Variants in CYSLTR2 observed in about 807,000 individuals in gnomAD.
CYSLTR2 encodes G-protein coupled receptor GPCR21.
For missense variants in CYSLTR2, 398 were observed against 411.9 expected (o/e 0.97, Z 0.29); for synonymous variants, 179 against 160.8 (o/e 1.11, Z -0.86).
chr13:48,693,109 T>C (rs1205086220), intron 2 of CYSLTR2, among the ~76,000 whole-genome samples: 1 of 151,602 alleles, frequency 6.6e-6, no homozygotes, highest in Non-Finnish European at 1.5e-5. Flanking sequence ...TTAATACAAT[T>C]TTATATATAT....
chr13:48,677,176 G>C (rs1203040110), intron 1 of CYSLTR2, among the ~76,000 whole-genome samples: 1 of 152,172 alleles, frequency 6.6e-6, no homozygotes. Context: ...AGTCTACAGA[G>C]TGACTGAAAA....
intron 1 of CYSLTR2, among the ~76,000 whole-genome samples, chr13:48,672,251 TA>T (rs1418963914): frequency 2.0e-5 from 3 of 152,184 alleles, no homozygotes; most frequent in Non-Finnish European, 4.4e-5. Context: ...ATTCATTTTT[TA>T]AAGGGTTTTT....
In CYSLTR2 at chr13:48,664,301, T is replaced by C. The variant is rs184327061; in HGVS notation, c.-266+10284T>C. 3.3e-5 allele frequency among the ~76,000 whole-genome samples: 5 copies of C among 152,166 alleles called. No homozygotes were observed. In the East Asian group the frequency reaches 7.7e-4, roughly 24 times the overall value. On this transcript the variant is annotated intron_variant, in intron 1 of 4. Coordinates refer to ENST00000682523, the MANE Select transcript of CYSLTR2 (RefSeq NM_001308476.3). ...GTAGTTTTTTTTGTTGTTGTTGTTATGTCCCTATTCAGTTTTGGTATCAGG... is the reference window on the plus strand; with the variant it reads ...GTAGTTTTTTTTGTTGTTGTTGTTACGTCCCTATTCAGTTTTGGTATCAGG...
chr13:48,655,265 T>A (rs1952972753), intron 1 of CYSLTR2, among the ~76,000 whole-genome samples: 1 of 152,186 alleles, frequency 6.6e-6, no homozygotes, highest in Admixed American at 6.5e-5. Flanking sequence ...CTTTTAAAAC[T>A]CTTCAAGATT....
At chr13:48,699,523 G>T (rs1452716798) in intron 4 of CYSLTR2, among the ~76,000 whole-genome samples, 1 of 152,202 alleles carries the variant, frequency 6.6e-6, no homozygotes, top group African/African-American at 2.4e-5. Flanking sequence ...AAAGCAGTGT[G>T]TAGAGGGAAA....
rs1159652577 is a variant in CYSLTR2, at chr13:48,707,838, A to G, written c.1021A>G (p.Arg341Gly). 1 of 1,527,008 alleles carries G rather than the reference A, an allele frequency of 6.5e-7. No homozygotes were observed. Among genetic ancestry groups the G allele is most frequent in the South Asian group, 1.3e-5 (1 of 75,752 alleles). 94.6% of individuals were successfully genotyped at this position (1,527,008 alleles called of 1,614,324 possible). Residue 341 changes from arginine to glycine, a missense_variant, in exon 5 of 5, where the codon AGA becomes GGA. Coordinates refer to ENST00000682523, the MANE Select transcript of CYSLTR2 (RefSeq NM_001308476.3). ...TGTTTTCCCTGTTAGTGTGTGGTTG[A>G]GAAAGGAAACAAGAGTATAAGGAGC... ...KCVFPVSVWL[R>G]KETRV
At position 48,702,113 on chromosome 13, in the gene CYSLTR2, G is replaced by A. The variant is rs1423556179; in HGVS notation, c.-1-4704G>A. The stretch of plus-strand genomic sequence containing the variant: ...AGGATGAGTTCATGTCCTTTGTAGG[G>A]ACATGAATGACCTGGAAACCATCAT... On this transcript the variant is annotated intron_variant, in intron 4 of 4. Coordinates refer to ENST00000682523, the MANE Select transcript of CYSLTR2 (RefSeq NM_001308476.3). Among the ~76,000 whole-genome samples, 4 of 152,028 alleles carry A rather than the reference G, an allele frequency of 2.6e-5. No homozygotes were observed. In the East Asian group the frequency reaches 5.8e-4, roughly 22 times the overall value.
At chr13:48,654,304 TGAG>T (rs1952949293) in intron 1 of CYSLTR2, among the ~76,000 whole-genome samples, 2 of 46,812 alleles carry the variant, frequency 4.3e-5, no homozygotes, top group African/African-American at 2.9e-4. Flanking sequence ...TGTGTGTGTG[TGAG>T]TGTGTGTGTG....
Position 48,707,016 on chromosome 13 carries a change from T to C in CYSLTR2, c.199T>C (p.Tyr67His), listed in dbSNP as rs193077727. 56 of 1,614,144 alleles carry C rather than the reference T, an allele frequency of 3.5e-5. No homozygotes were observed. The African/African-American group carries it at 6.9e-4, about 20-fold the overall frequency. ...GLSIYVFLQPYKKSTSVNVFM... is the reference protein window; with the variant it reads ...GLSIYVFLQPHKKSTSVNVFM... ...GTCCATATATGTTTTCCTGCAGCCT[T>C]ATAAGAAGTCCACATCTGTGAACGT... The change falls in exon 5 of 5, where the codon TAT (tyrosine) becomes CAT (histidine). Residue 67 changes from tyrosine (Y) to histidine (H), a missense_variant. Physicochemically the swap from Tyr to His is moderately conservative, Grantham distance 83. Coordinates refer to ENST00000682523, the MANE Select transcript of CYSLTR2 (RefSeq NM_001308476.3).
intron 1 of CYSLTR2, among the ~76,000 whole-genome samples, chr13:48,687,493 TA>T (rs1953925698): frequency 6.6e-6 from 1 of 152,176 alleles, no homozygotes; most frequent in Non-Finnish European, 1.5e-5. Flanking sequence ...ATCTATCAAT[TA>T]TCTATAATCT....
Position 48,707,913 on chromosome 13 carries a change from A to G in CYSLTR2, c.*55A>G. 7.3e-7 allele frequency: 1 copy of G among 1,374,602 alleles called. No individual in the cohort carries two copies. Among genetic ancestry groups the G allele is most frequent in the Non-Finnish European group, 9.8e-7 (1 of 1,022,714 alleles). 85.2% of individuals were successfully genotyped at this position (1,374,602 alleles called of 1,614,324 possible). ...TCCTTGTGTCCATCTTCATTCACTCATAGTCTCCAAATGACTTTGTATTTA... is the reference window on the plus strand; with the variant it reads ...TCCTTGTGTCCATCTTCATTCACTCGTAGTCTCCAAATGACTTTGTATTTA... On this transcript the variant is annotated 3_prime_UTR_variant, in exon 5 of 5. Coordinates refer to ENST00000682523, the MANE Select transcript of CYSLTR2 (RefSeq NM_001308476.3).
At chr13:48,675,007 A>C (rs1005498906) in intron 1 of CYSLTR2, among the ~76,000 whole-genome samples, 3 of 152,148 alleles carry the variant, frequency 2.0e-5, no homozygotes, top group Non-Finnish European at 2.9e-5. Flanking sequence ...GCTTTGTCCC[A>C]GAGGGACACC....
At chr13:48,705,998 TG>T (rs202112417) in intron 4 of CYSLTR2, among the ~76,000 whole-genome samples, 5,351 of 147,232 alleles carry the variant, frequency 0.036, 407 homozygotes, top group African/African-American at 0.12. Context: ...GTTTTGTTGT[TG>T]TTTTTTTTTT....
intron 1 of CYSLTR2, among the ~76,000 whole-genome samples, chr13:48,656,576 C>A (rs1371234482): frequency 6.6e-6 from 1 of 152,180 alleles, no homozygotes; most frequent in Admixed American, 6.5e-5. Flanking sequence ...TGCCTCCTAT[C>A]CACCTGGGAT....
chr13:48,676,903 G>C (rs1239196393), intron 1 of CYSLTR2, among the ~76,000 whole-genome samples: 1 of 152,202 alleles, frequency 6.6e-6, no homozygotes, highest in Non-Finnish European at 1.5e-5. Flanking sequence ...CAAACTATAA[G>C]ACGAAAATAT....
In CYSLTR2 at chr13:48,664,856, G is replaced by A. The variant is rs900130767; in HGVS notation, c.-266+10839G>A. 7.3e-5 allele frequency among the ~76,000 whole-genome samples: 11 copies of A among 150,922 alleles called. No individual in the cohort carries two copies. In the East Asian group the frequency reaches 2.1e-3, roughly 29 times the overall value. ...TTTATTACTTCTTCTACTAATTTTG[G>A]GCTTAGTTTGCTCTTGCTTTTCTAG... On this transcript the variant is annotated intron_variant, in intron 1 of 4. Transcript: ENST00000682523.
chr13:48,671,999 G>C (rs1255781399), intron 1 of CYSLTR2, among the ~76,000 whole-genome samples: 1 of 151,780 alleles, frequency 6.6e-6, no homozygotes, highest in African/African-American at 2.4e-5. Context: ...ACTTCTTCCT[G>C]GTTTAGTCTT....
At chr13:48,668,453 T>C (rs1953326487) in intron 1 of CYSLTR2, among the ~76,000 whole-genome samples, 1 of 152,110 alleles carries the variant, frequency 6.6e-6, no homozygotes. Context: ...AGGTCTTGGC[T>C]ACCTGGTCTT....
At chr13:48,698,147 T>C (rs1028049367) in intron 4 of CYSLTR2, among the ~76,000 whole-genome samples, 5 of 152,108 alleles carry the variant, frequency 3.3e-5, no homozygotes, top group South Asian at 2.1e-4. Context: ...CAGGCCAACA[T>C]TGAAATTCAG....
Sources: gnomAD v4.1 joint callset for allele counts (sites outside exome capture counted in the v4.1 genomes callset) on GRCh38, gnomAD v4.1.1 for gene constraint, MANE v1.5 for transcripts, NCBI Gene and HGNC (gene_info 2026-07-23, HGNC 2026-07-21) for gene names.